CHODL: variants seen among roughly 807,000 people sequenced by gnomAD.
CHODL encodes the protein transmembrane protein MT75.
Under a neutral mutation model 34.5 loss-of-function variants are expected in CHODL, and 29 were observed. The ratio of observed to expected loss-of-function variants is 0.84; its 90% CI spans 0.63 to 1.15. The LOEUF is 1.15. Ranked by LOEUF, CHODL falls within the 50% of genes most tolerant of loss-of-function variation. The probability of loss-of-function intolerance (pLI) is 0.00; values close to 1 mark genes in which losing one functional copy is unlikely to be tolerated. For missense variants in CHODL, 332 were observed against 332.5 expected, an observed-to-expected ratio of 1.00 and a Z score of 0.01; for synonymous variants, 125 against 116.1, an observed-to-expected ratio of 1.08 and a Z score of -0.49.
chr21:17,950,045 A>G (rs1463626993), intron 1 of CHODL, among the ~76,000 whole-genome samples: 2 of 152,178 alleles, frequency 1.3e-5, no homozygotes, highest in Admixed American at 6.5e-5. Context: ...GATTAAGACA[A>G]TACCCTAATC....
chr21:17,917,925 G>T (rs77596845), intron 1 of CHODL, among the ~76,000 whole-genome samples: 203 of 150,534 alleles, frequency 1.3e-3, no homozygotes, highest in African/African-American at 4.7e-3. Context: ...CGTTCTTGAA[G>T]CTAAACTCTA....
At chr21:18,134,709 T>C (rs111567067) in intron 2 of CHODL, among the ~76,000 whole-genome samples, 1 of 152,338 alleles carries the variant, frequency 6.6e-6, no homozygotes, top group African/African-American at 2.4e-5. Flanking sequence ...CTGAAGGTAC[T>C]TTCACCTCTC....
At chr21:18,058,643 C>T (rs552877526) in intron 2 of CHODL, among the ~76,000 whole-genome samples, 2 of 150,950 alleles carry the variant, frequency 1.3e-5, no homozygotes, top group East Asian at 3.9e-4. Flanking sequence ...AAAAGTTGAA[C>T]TATTTGTGAA....
chr21:17,973,679 C>T (rs959676026), intron 1 of CHODL, among the ~76,000 whole-genome samples: 1 of 151,824 alleles, frequency 6.6e-6, no homozygotes, highest in African/African-American at 2.4e-5. Flanking sequence ...CTCAGCCTCC[C>T]AGCGTGCTGG....
chr21:18,104,422 C>G (rs2146549706), intron 2 of CHODL, among the ~76,000 whole-genome samples: 1 of 152,166 alleles, frequency 6.6e-6, no homozygotes, highest in East Asian at 1.9e-4. Context: ...CGCCATGATT[C>G]TGAGTTTCCT....
chr21:18,185,885 C>T (rs1214819002), intron 2 of CHODL, among the ~76,000 whole-genome samples: 2 of 152,122 alleles, frequency 1.3e-5, no homozygotes, highest in Non-Finnish European at 2.9e-5. Flanking sequence ...CATAAAATTA[C>T]TAATCCCATT....
intron 1 of CHODL, among the ~76,000 whole-genome samples, chr21:17,963,822 A>C (rs2063551561): frequency 6.6e-6 from 1 of 151,268 alleles, no homozygotes; most frequent in Non-Finnish European, 1.5e-5. Context: ...TGTCTCTCTT[A>C]TATTCTTGGA....
intron 3 of CHODL, among the ~76,000 whole-genome samples, chr21:18,258,263 G>A (rs2074340469): frequency 6.6e-6 from 1 of 151,944 alleles, no homozygotes; most frequent in South Asian, 2.1e-4. Context: ...GGAAGTCTTT[G>A]CAAAGCTGAA....
intron 2 of CHODL, among the ~76,000 whole-genome samples, chr21:18,186,701 G>GT (rs1435451809): frequency 6.6e-6 from 1 of 152,128 alleles, no homozygotes; most frequent in African/African-American, 2.4e-5. Flanking sequence ...CATTCGATTT[G>GT]TTATCATTTT....
intron 4 of CHODL, among the ~76,000 whole-genome samples, chr21:18,260,931 T>G (rs2146822767): frequency 6.6e-6 from 1 of 152,280 alleles, no homozygotes; most frequent in South Asian, 2.1e-4. Flanking sequence ...TGATGCAAAT[T>G]GGCACATTCA....
At chr21:18,194,810 T>C (rs1334407791) in intron 2 of CHODL, among the ~76,000 whole-genome samples, 1 of 152,080 alleles carries the variant, frequency 6.6e-6, no homozygotes, top group Admixed American at 6.5e-5. Flanking sequence ...TTCAATACAT[T>C]ATTTTTTCTC....
At position 18,245,198 on chromosome 21, in the gene CHODL, A is replaced by G; in HGVS notation, c.-26A>G. ...GCAGAGGCCGCCCTCGCTCCACGCA[A>G]CACCTGCTGCTGCCACCGCGCCGCG... On this transcript the variant is annotated 5_prime_UTR_variant, in exon 1 of 6. Coordinates refer to ENST00000299295, the MANE Select transcript of CHODL (RefSeq NM_024944.3). 6.6e-7 allele frequency: 1 copy of G among 1,513,596 alleles called. No homozygotes were observed. The allele number at this position is 1,513,596 out of a possible 1,614,324, so 93.8% of individuals were successfully genotyped here.
At chr21:18,238,831 C>T (rs796508813) in intron 2 of CHODL, among the ~76,000 whole-genome samples, 4 of 152,216 alleles carry the variant, frequency 2.6e-5, no homozygotes, top group African/African-American at 9.6e-5. Flanking sequence ...TATTATTCAA[C>T]ATCATAAATA....
At chr21:17,978,614 A>T (rs977353383) in intron 1 of CHODL, among the ~76,000 whole-genome samples, 2 of 151,432 alleles carry the variant, frequency 1.3e-5, no homozygotes, top group Non-Finnish European at 2.9e-5. Flanking sequence ...GCTACTCGGG[A>T]GGCGGAGGCA....
rs140015486 is a variant in CHODL at position 17,997,444 on chromosome 21, C to T, written c.-144-30428C>T. Among the ~76,000 whole-genome samples the T allele has an allele frequency of 5.9e-3, 904 of 152,260 alleles. 9 individuals carry two copies. Among genetic ancestry groups the T allele is most frequent in the African/African-American group, 0.015 (614 of 41,538 alleles). ...CTGCTACGAGCCAACATCAACATTC[C>T]CTGGGCTTGGCAGATATTGGAAAAT... On this transcript the variant is annotated intron_variant, in intron 1 of 6. Coordinates refer to the CHODL transcript ENST00000400127.
Position 18,262,788 on chromosome 21 carries a change from T to C in CHODL, c.635-3T>C, listed in dbSNP as rs2074398126. 1 of 1,469,798 alleles carries C rather than the reference T, an allele frequency of 6.8e-7. No homozygotes were observed. The highest frequency in any genetic ancestry group is 9.5e-7 in the Non-Finnish European group (1 of 1,051,618). 91.0% of individuals were successfully genotyped at this position (1,469,798 alleles called of 1,614,324 possible). A position where few individuals can be genotyped will look rare whatever the true frequency, so the allele number is the denominator to read the frequency against. Reference sequence around the variant, plus strand: ...TTCACATGAAGACTGTTTTATTTTGTAGGTATAATTCCCAATCTAATTTAT... The same window carrying C: ...TTCACATGAAGACTGTTTTATTTTGCAGGTATAATTCCCAATCTAATTTAT... On this transcript the variant is annotated splice_polypyrimidine_tract_variant and splice_region_variant and intron_variant, in intron 4 of 5. Coordinates refer to ENST00000299295, the MANE Select transcript of CHODL (RefSeq NM_024944.3).
intron 2 of CHODL, among the ~76,000 whole-genome samples, chr21:18,064,751 G>A (rs183082232): frequency 4.5e-4 from 68 of 151,880 alleles, no homozygotes; most frequent in East Asian, 7.8e-4. Flanking sequence ...CTCTCTCTCC[G>A]CACACACACA....
intron 1 of CHODL, among the ~76,000 whole-genome samples, chr21:18,012,612 T>C (rs879719304): frequency 6.6e-6 from 1 of 152,234 alleles, no homozygotes; most frequent in Non-Finnish European, 1.5e-5. Context: ...GGAAGAAATA[T>C]TGGAACGAAA....
intron 1 of CHODL, among the ~76,000 whole-genome samples, chr21:18,012,654 C>G (rs1489176276): frequency 1.3e-5 from 2 of 152,170 alleles, no homozygotes; most frequent in East Asian, 1.9e-4. Flanking sequence ...GGTCTGTGTA[C>G]TCTCTCTTCT....
Sources: allele counts gnomAD v4.1 joint callset (sites outside exome capture counted in the v4.1 genomes callset), GRCh38; gene constraint gnomAD v4.1.1; transcripts MANE v1.5; gene names NCBI Gene and HGNC (gene_info 2026-07-23, HGNC 2026-07-21).